CAMK1D: variants seen among roughly 807,000 people sequenced by gnomAD.
CAMK1D encodes the protein calcium/calmodulin-dependent protein kinase type 1D.
Under a neutral mutation model 47.7 loss-of-function variants are expected in CAMK1D, and 9 were observed. The ratio of observed to expected loss-of-function variants is 0.19; its 90% CI spans 0.11 to 0.33. CAMK1D has a LOEUF of 0.33. Ranked by LOEUF, CAMK1D falls within the 10% of genes least tolerant of loss-of-function variation. CAMK1D has a pLI of 1.00. For synonymous variants in CAMK1D, 184 were observed against 184.9 expected (o/e 0.99, Z 0.04); for missense variants, 291 against 488.7 (o/e 0.60, Z 3.81).
intron 2 of CAMK1D, among the ~76,000 whole-genome samples, chr10:12,621,740 T>C (rs1183884093): frequency 3.3e-5 from 5 of 152,184 alleles, no homozygotes; most frequent in African/African-American, 9.6e-5. Flanking sequence ...AGGACTTCAG[T>C]GGACTTTTGC....
intron 6 of CAMK1D, among the ~76,000 whole-genome samples, chr10:12,807,374 C>T (rs1838779058): frequency 6.6e-6 from 1 of 152,200 alleles, no homozygotes; most frequent in Non-Finnish European, 1.5e-5. Context: ...CACAGCCTCA[C>T]CACTGAGTGG....
At chr10:12,677,121 G>A (rs1840835145) in intron 3 of CAMK1D, among the ~76,000 whole-genome samples, 1 of 152,162 alleles carries the variant, frequency 6.6e-6, no homozygotes, top group Non-Finnish European at 1.5e-5. Context: ...GTACTCTGTT[G>A]TCTTGTGCAG....
intron 1 of CAMK1D, among the ~76,000 whole-genome samples, chr10:12,522,076 T>G (rs1054769955): frequency 7.2e-5 from 11 of 151,968 alleles, no homozygotes; most frequent in African/African-American, 2.7e-4. Context: ...CTCTAATTAT[T>G]ATTAGAGTAA....
chr10:12,550,811 A>G (rs2132267616), intron 1 of CAMK1D, among the ~76,000 whole-genome samples: 1 of 152,328 alleles, frequency 6.6e-6, no homozygotes, highest in East Asian at 1.9e-4. Context: ...GGCTTGTATA[A>G]TTAAAAATAG....
intron 1 of CAMK1D, among the ~76,000 whole-genome samples, chr10:12,404,340 C>T (rs1013056238): frequency 6.6e-6 from 1 of 152,168 alleles, no homozygotes; most frequent in African/African-American, 2.4e-5. Flanking sequence ...CCCCTGCGCC[C>T]GGCCTTATTT....
chr10:12,621,023 C>T (rs1274505313), intron 2 of CAMK1D, among the ~76,000 whole-genome samples: 5 of 152,270 alleles, frequency 3.3e-5, no homozygotes, highest in Non-Finnish European at 7.4e-5. Context: ...CCAGTTGTTC[C>T]AGCACCATGT....
chr10:12,700,185 C>G (rs994338487), intron 3 of CAMK1D, among the ~76,000 whole-genome samples: 3 of 152,098 alleles, frequency 2.0e-5, no homozygotes, highest in Non-Finnish European at 4.4e-5. Context: ...ATAGATTAGT[C>G]CATTCTCATG....
At chr10:12,405,849 C>T (rs1310513858) in intron 1 of CAMK1D, among the ~76,000 whole-genome samples, 4 of 152,212 alleles carry the variant, frequency 2.6e-5, no homozygotes, top group African/African-American at 9.7e-5. Flanking sequence ...TCAGGACCAA[C>T]GAGACTTCTG....
Position 12,406,523 on chromosome 10 carries a change from A to G in CAMK1D, c.92+56613A>G, listed in dbSNP as rs187180650. 2.6e-4 allele frequency among the ~76,000 whole-genome samples: 40 copies of G among 151,958 alleles called. 1 individual carries two copies. The East Asian group carries it at 5.8e-3, about 22-fold the overall frequency. The stretch of plus-strand genomic sequence containing the variant: ...GGAGTTCGAGACCAGCCTGGGCAAC[A>G]TAGGAAGACCCTGTCTCTACAAAAA... On this transcript the variant is annotated intron_variant, in intron 1 of 10. Transcript: ENST00000619168.
intron 3 of CAMK1D, among the ~76,000 whole-genome samples, chr10:12,739,584 C>T (rs934657582): frequency 8.6e-5 from 13 of 151,828 alleles, no homozygotes; most frequent in Non-Finnish European, 1.3e-4. Flanking sequence ...CCACCGCACC[C>T]GGCTGAGATA....
chr10:12,718,489 A>T (rs916077083), intron 3 of CAMK1D, among the ~76,000 whole-genome samples: 1 of 152,184 alleles, frequency 6.6e-6, no homozygotes, highest in African/African-American at 2.4e-5. Context: ...ATTAGTAGAC[A>T]CTCAAGCCAC....
intron 2 of CAMK1D, among the ~76,000 whole-genome samples, chr10:12,642,701 CTTTTA>C (rs1049905068): frequency 2.6e-5 from 4 of 152,034 alleles, no homozygotes; most frequent in African/African-American, 4.8e-5. Flanking sequence ...CATTTTTATG[CTTTTA>C]TTTTAATTTT....
chr10:12,607,627 G>A (rs534560343), intron 2 of CAMK1D, among the ~76,000 whole-genome samples: 1 of 152,280 alleles, frequency 6.6e-6, no homozygotes, highest in Admixed American at 6.5e-5. Context: ...AATGTATCCT[G>A]GAACTTTCCT....
rs116820097 is a variant in CAMK1D, at chr10:12,680,500, T to G, written c.299+13690T>G. Among the ~76,000 whole-genome samples, 293 of 152,322 alleles carry G rather than the reference T, an allele frequency of 1.9e-3. 2 individuals carry two copies. Among genetic ancestry groups the G allele is most frequent in the African/African-American group, 6.2e-3 (257 of 41,572 alleles). ...ATGAAACAAGCACAGATGTTAGAAA[T>G]CCAGTTGTGTTTGCTGTTTGCTAGC... On this transcript the variant is annotated intron_variant, in intron 3 of 10. Transcript: ENST00000619168.
At chr10:12,696,006 A>G (rs1833280272) in intron 3 of CAMK1D, among the ~76,000 whole-genome samples, 1 of 151,898 alleles carries the variant, frequency 6.6e-6, no homozygotes, top group African/African-American at 2.4e-5. Context: ...TGAACCCGGG[A>G]GGTGGAGGTT....
At chr10:12,368,060 C>G (rs957825498) in intron 1 of CAMK1D, among the ~76,000 whole-genome samples, 1 of 152,092 alleles carries the variant, frequency 6.6e-6, no homozygotes, top group African/African-American at 2.4e-5. Context: ...GGCGCGGTGG[C>G]GGGCGCCTGT....
intron 1 of CAMK1D, among the ~76,000 whole-genome samples, chr10:12,541,882 CCTTCCTTT>C (rs1353676531): frequency 7.2e-6 from 1 of 138,298 alleles, no homozygotes; most frequent in African/African-American, 2.7e-5. Flanking sequence ...TTCCTTCCTT[CCTTCCTTT>C]TTTTTTTTCA....
At chr10:12,513,322 G>A (rs1038234280) in intron 1 of CAMK1D, among the ~76,000 whole-genome samples, 103 of 152,270 alleles carry the variant, frequency 6.8e-4, no homozygotes, top group African/African-American at 2.3e-3. Context: ...TAAATGAATC[G>A]TGTGGGTCTT....
intron 1 of CAMK1D, among the ~76,000 whole-genome samples, chr10:12,489,384 CAA>C (rs764668365): frequency 4.0e-4 from 61 of 152,138 alleles, no homozygotes; most frequent in Admixed American, 3.0e-3. Flanking sequence ...AGAGGAGGCT[CAA>C]GAGGGAGGGA....
Sources: allele counts gnomAD v4.1 joint callset (sites outside exome capture counted in the v4.1 genomes callset), GRCh38; gene constraint gnomAD v4.1.1; transcripts MANE v1.5; gene names NCBI Gene and HGNC (gene_info 2026-07-23, HGNC 2026-07-21).